The following TMCO4 variants were observed in gnomAD, a reference collection of about 807,000 sequenced individuals.
TMCO4 encodes the protein transmembrane and coiled-coil domains 4, also known as transmembrane and coiled-coil domain-containing protein 4.
A neutral mutation model predicts 64.7 loss-of-function variants in TMCO4; 58 were observed. The ratio of observed to expected loss-of-function variants is 0.90; its 90% CI spans 0.73 to 1.12. TMCO4 has a LOEUF of 1.12. Among genes scored for constraint, TMCO4 ranks in the 50% most tolerant of loss-of-function variants. The probability of loss-of-function intolerance (pLI) is 0.00; values close to 1 mark genes in which losing one functional copy is unlikely to be tolerated. For missense variants in TMCO4, 780 were observed against 825.9 expected, an observed-to-expected ratio of 0.94 and a Z score of 0.68; for synonymous variants, 325 against 346.1, an observed-to-expected ratio of 0.94 and a Z score of 0.68.
rs761041338 is a variant in TMCO4, at chr1:19,683,072, T to C, written c.1873A>G (p.Lys625Glu). 4.4e-6 allele frequency: 7 copies of C among 1,601,814 alleles called. No individual in the cohort carries two copies. Among genetic ancestry groups the C allele is most frequent in the Middle Eastern group, 1.7e-4 (1 of 5,972 alleles). The change falls in exon 16 of 16, where the codon AAG becomes GAG. Residue 625 changes from lysine (K) to glutamate (E), a missense_variant. Coordinates refer to ENST00000294543, the MANE Select transcript of TMCO4 (RefSeq NM_181719.7). ...NPLGCPDCAC[K>E]TQGPSTGLD ...AGCCCCGTGCTGGGGCCCTGGGTCT[T>C]GCAGGCACAATCGGGGCAGCCCAGT...
At chr1:19,708,874 C>G (rs1419326857) in intron 13 of TMCO4, among the ~76,000 whole-genome samples, 1 of 152,184 alleles carries the variant, frequency 6.6e-6, no homozygotes, top group Non-Finnish European at 1.5e-5. Context: ...GATTTTCTCC[C>G]TCCTGGTGGG....
rs113251801 is a variant in TMCO4 at position 19,793,236 on chromosome 1, C to T, written c.-101+4901G>A. Reference sequence around the variant, plus strand: ...ATTGCAGTTGAGTTTTTAAATGATTCTGCAGTGCAATAAAATAAGCATTAA... The same window carrying T: ...ATTGCAGTTGAGTTTTTAAATGATTTTGCAGTGCAATAAAATAAGCATTAA... On this transcript the variant is annotated intron_variant, in intron 2 of 15. Transcript: ENST00000294543. 2.1e-3 allele frequency among the ~76,000 whole-genome samples: 317 copies of T among 152,088 alleles called. 1 individual carries two copies. The highest frequency in any genetic ancestry group is 7.3e-3 in the African/African-American group (304 of 41,494).
chr1:19,720,036 C>T (rs909070095), intron 13 of TMCO4, among the ~76,000 whole-genome samples: 13 of 100,166 alleles, frequency 1.3e-4, no homozygotes, highest in African/African-American at 4.1e-4. Context: ...GTAGAGATGG[C>T]GTCTTGTTTT....
At chr1:19,772,976 G>A (rs1168435647) in intron 4 of TMCO4, among the ~76,000 whole-genome samples, 2 of 152,150 alleles carry the variant, frequency 1.3e-5, no homozygotes, top group East Asian at 1.9e-4. Flanking sequence ...GATCACCTGA[G>A]GTCAGGAGTT....
At chr1:19,786,056 A>G (rs911051097) in intron 3 of TMCO4, among the ~76,000 whole-genome samples, 3 of 152,222 alleles carry the variant, frequency 2.0e-5, no homozygotes, top group African/African-American at 4.8e-5. Flanking sequence ...CCTGGGCAAC[A>G]AAGTGAGACC....
Position 19,755,714 on chromosome 1 carries a change from G to A in TMCO4, c.435C>T (p.Leu145=), listed in dbSNP as rs754772353. 1.2e-6 allele frequency: 2 copies of A among 1,614,166 alleles called. No homozygotes were observed. The highest frequency in any genetic ancestry group is 1.7e-6 in the Non-Finnish European group (2 of 1,180,034). ...CATCCAGCTCCTCCAAGGGCACTTG[G>A]AGCAGGGAGGTCATGTGGCAAACGA... ...RVLVCHMTSL[L]QVPLEELDVL... is the part of the protein sequence containing the mutation. Residue 145 remains leucine, a synonymous_variant, in exon 7 of 16, where the codon CTC becomes CTT. Transcript: ENST00000294543.
At chr1:19,780,498 C>A (rs1571012318) in intron 4 of TMCO4, 82 bp downstream of exon 4, 1 of 1,485,124 alleles carries the variant, frequency 6.7e-7, no homozygotes, top group Non-Finnish European at 9.0e-7. Flanking sequence ...ATTGCCTCAT[C>A]GTGCCTGGCA....
intron 6 of TMCO4, among the ~76,000 whole-genome samples, chr1:19,762,416 G>A (rs1426559195): frequency 1.3e-5 from 2 of 152,120 alleles, no homozygotes; most frequent in Non-Finnish European, 2.9e-5. Context: ...CCAGAACTGC[G>A]GGATTAGCCC....
chr1:19,791,352 G>C (rs2044026558), intron 2 of TMCO4, among the ~76,000 whole-genome samples: 1 of 151,806 alleles, frequency 6.6e-6, no homozygotes, highest in Non-Finnish European at 1.5e-5. Context: ...AAAAGGAAAA[G>C]AAAATAGCAA....
chr1:19,694,346 TG>T, intron 15 of TMCO4, 87 bp downstream of exon 15: 3 of 1,147,614 alleles, frequency 2.6e-6, no homozygotes, highest in Non-Finnish European at 3.8e-6. Flanking sequence ...TGGACCAGGC[TG>T]GGGCCACTGT....
chr1:19,723,228 C>G (rs1029050629), intron 13 of TMCO4, among the ~76,000 whole-genome samples: 2 of 152,198 alleles, frequency 1.3e-5, no homozygotes, highest in Non-Finnish European at 2.9e-5. Context: ...AGCATTTCCT[C>G]GGAGTATCAT....
chr1:19,741,918 C>A (rs2095481085), intron 10 of TMCO4, among the ~76,000 whole-genome samples: 1 of 151,732 alleles, frequency 6.6e-6, no homozygotes, highest in Non-Finnish European at 1.5e-5. Flanking sequence ...TGTGTATTTT[C>A]AGTAGAGACG....
chr1:19,770,288 A>G (rs1329560685), intron 6 of TMCO4, among the ~76,000 whole-genome samples: 1 of 152,204 alleles, frequency 6.6e-6, no homozygotes, highest in Admixed American at 6.5e-5. Context: ...AAGGAACCAG[A>G]TTCGAGAGTT....
Position 19,732,792 on chromosome 1 carries a change from G to A in TMCO4, c.1264+4580C>T, listed in dbSNP as rs372596669. On this transcript the variant is annotated intron_variant, in intron 13 of 15. Transcript: ENST00000294543. The surrounding 1 kb of genome is among the most constrained non-coding windows in gnomAD (Gnocchi z 4.8). ...TCTTTTTTCTGAAGGTGACTACAGG[G>A]GGAAAATGCCAGCTGCACTTTTGTC... 6.6e-6 allele frequency among the ~76,000 whole-genome samples: 1 copy of A among 152,144 alleles called. No homozygotes were observed. Among genetic ancestry groups the A allele is most frequent in the South Asian group, 2.1e-4 (1 of 4,824 alleles).
chr1:19,736,230 C>T (rs898730829), intron 13 of TMCO4, among the ~76,000 whole-genome samples: 7 of 152,150 alleles, frequency 4.6e-5, no homozygotes, highest in Non-Finnish European at 8.8e-5. Context: ...CAAGAGAACG[C>T]GTGCAGGGGA....
At chr1:19,697,546 A>C (rs1236904819) in intron 14 of TMCO4, among the ~76,000 whole-genome samples, 2 of 151,704 alleles carry the variant, frequency 1.3e-5, no homozygotes, top group Non-Finnish European at 2.9e-5. Context: ...CCATCCTCCC[A>C]TCTCAGCCTC....
At chr1:19,758,852 G>C (rs2042377413) in intron 6 of TMCO4, among the ~76,000 whole-genome samples, 1 of 152,148 alleles carries the variant, frequency 6.6e-6, no homozygotes, top group South Asian at 2.1e-4. Context: ...TGTAATTCCA[G>C]CACTTTGGGA....
intron 6 of TMCO4, among the ~76,000 whole-genome samples, chr1:19,768,333 C>T (rs1241671084): frequency 6.6e-6 from 1 of 152,110 alleles, no homozygotes; most frequent in African/African-American, 2.4e-5. Flanking sequence ...TCCAGCAGCC[C>T]GAGTCTCAGA....
chr1:19,791,734 G>A (rs1387450214), intron 2 of TMCO4, among the ~76,000 whole-genome samples: 5 of 152,210 alleles, frequency 3.3e-5, no homozygotes, highest in African/African-American at 7.2e-5. Context: ...AGACACACAG[G>A]GCTGGTCCAG....
Sources: gnomAD v4.1 joint callset for allele counts (sites outside exome capture counted in the v4.1 genomes callset) on GRCh38, gnomAD v4.1.1 for gene constraint, Gnocchi (gnomAD v3.1) non-coding constraint, MANE v1.5 for transcripts, NCBI Gene and HGNC (gene_info 2026-07-23, HGNC 2026-07-21) for gene names.